The following C20orf203 variants were observed in gnomAD, a reference collection of about 807,000 sequenced individuals.
C20orf203 encodes uncharacterized protein C20orf203.
In C20orf203, 16 loss-of-function variants were observed where a neutral mutation model predicts 15.9. That is an observed-to-expected ratio of 1.01 (90% CI 0.68 to 1.53). The LOEUF (loss-of-function observed/expected upper bound fraction) is 1.53, where lower values mean the gene tolerates loss of function less well. Ranked by LOEUF, C20orf203 falls within the 40% of genes most tolerant of loss-of-function variation. C20orf203 has a pLI of 0.00. For synonymous variants in C20orf203, 98 were observed against 97.2 expected, an observed-to-expected ratio of 1.01 and a Z score of -0.05; for missense variants, 263 against 247.5, an observed-to-expected ratio of 1.06 and a Z score of -0.42.
At chr20:32,654,422 T>C (rs555547350) in intron 1 of C20orf203, among the ~76,000 whole-genome samples, 27 of 152,346 alleles carry the variant, frequency 1.8e-4, no homozygotes, top group South Asian at 6.2e-4. Context: ...ACTCCCCAAA[T>C]TGATCTTCAG....
chr20:32,650,441 C>T lies in C20orf203; in HGVS notation c.576G>A (p.Leu192=), dbSNP rs1276500803. ...QQFLSNSSRS[L]FN ...GGCGCCCTGGGCTCGGCTAATTAAA[C>T]AGCGACCGTGATGAATTGGAGAGAA... The change falls in exon 4 of 6, where the codon CTG becomes CTA. Residue 192 remains leucine, a synonymous_variant. Transcript: ENST00000608990. The T allele has an allele frequency of 6.5e-7, 1 of 1,549,556 alleles. No homozygotes were observed.
intron 1 of C20orf203, chr20:32,657,917 G>T (rs11700367): frequency 6.6e-6 from 1 of 150,744 alleles, no homozygotes; most frequent in African/African-American, 2.4e-5. Context: ...CTGAGATTGC[G>T]CCACTGCACT....
At chr20:32,645,608 A>G (rs1982403159) in intron 4 of C20orf203, among the ~76,000 whole-genome samples, 1 of 152,214 alleles carries the variant, frequency 6.6e-6, no homozygotes. Flanking sequence ...AGAAGCAGAC[A>G]TTGGAGAGGA....
rs557474702 is a variant in C20orf203, at chr20:32,655,705, A to C, written c.-263-3724T>G. On this transcript the variant is annotated intron_variant, in intron 1 of 5. Transcript: ENST00000608990. ...CTACTCAGAAGGCTGAGGCAGGAGA[A>C]TCACTTGAACCCAGGAGGTGGAGGT... 2.4e-4 allele frequency among the ~76,000 whole-genome samples: 36 copies of C among 152,230 alleles called. 1 individual carries two copies. Among genetic ancestry groups the C allele is most frequent in the Admixed American group, 3.9e-4 (6 of 15,284 alleles).
rs918577861 is a variant in C20orf203, at chr20:32,650,288, G to C, written c.*144C>G. The C allele has an allele frequency of 6.3e-6, 4 of 639,764 alleles. No homozygotes were observed. Among genetic ancestry groups the C allele is most frequent in the Non-Finnish European group, 5.5e-6 (2 of 364,080 alleles). 39.6% of individuals were successfully genotyped at this position (639,764 alleles called of 1,614,324 possible). On this transcript the variant is annotated 3_prime_UTR_variant, in exon 4 of 6. Transcript: ENST00000608990. ...GCGCCGGTGCCCAGAATCTCCTTGA[G>C]GTTTCAGCTGGGCGTGCCGGGCCCA...
chr20:32,641,547 G>A (rs1048163934), intron 4 of C20orf203, among the ~76,000 whole-genome samples: 1 of 152,122 alleles, frequency 6.6e-6, no homozygotes, highest in East Asian at 1.9e-4. Flanking sequence ...GTGCCAGACT[G>A]TTTTCCAAAA....
At chr20:32,643,624 ACCACACACAC>A (rs1382592581) in intron 4 of C20orf203, among the ~76,000 whole-genome samples, 1 of 109,786 alleles carries the variant, frequency 9.1e-6, no homozygotes, top group African/African-American at 4.0e-5. Context: ...GCTTCCTGGA[ACCACACACAC>A]ACACACACAC....
intron 5 of C20orf203, among the ~76,000 whole-genome samples, chr20:32,637,900 G>A (rs1241364798): frequency 6.6e-6 from 1 of 151,800 alleles, no homozygotes; most frequent in East Asian, 1.9e-4. Flanking sequence ...GTGTGTGCAT[G>A]TGCCTGTGTG....
intron 4 of C20orf203, among the ~76,000 whole-genome samples, chr20:32,643,644 C>CACACAT (rs1982345575): frequency 3.5e-5 from 3 of 84,872 alleles, no homozygotes; most frequent in Admixed American, 3.2e-4. Flanking sequence ...CACACACACA[C>CACACAT]ACACACACAC....
In C20orf203 at chr20:32,673,616, G is replaced by A. The variant is rs113851844; in HGVS notation, c.-264+16C>T. 1.9e-4 allele frequency: 29 copies of A among 152,638 alleles called. No individual in the cohort carries two copies. The highest frequency in any genetic ancestry group is 3.4e-3 in the Middle Eastern group (1 of 294). 9.5% of individuals were successfully genotyped at this position (152,638 alleles called of 1,614,324 possible). A position where few individuals can be genotyped will look rare whatever the true frequency, so the allele number is the denominator to read the frequency against. On this transcript the variant is annotated intron_variant, in intron 1 of 5. Transcript: ENST00000608990. ...CACCCCACACTTTCAGCACAGACAG[G>A]CTGCATTCCACCCACCTGCAGGCTC...
intron 1 of C20orf203, among the ~76,000 whole-genome samples, chr20:32,666,581 G>A (rs2088476079): frequency 6.6e-6 from 1 of 150,558 alleles, no homozygotes; most frequent in African/African-American, 2.4e-5. Flanking sequence ...GGCTAACATA[G>A]TGAAATCCCA....
chr20:32,650,244 C>T lies in C20orf203; in HGVS notation c.*188G>A. 1.7e-6 allele frequency: 1 copy of T among 594,850 alleles called. No individual in the cohort carries two copies. Among genetic ancestry groups the T allele is most frequent in the Non-Finnish European group, 3.0e-6 (1 of 334,652 alleles). The allele number at this position is 594,850 out of a possible 1,614,324, so 36.8% of individuals were successfully genotyped here. A position where few individuals can be genotyped will look rare whatever the true frequency, so the allele number is the denominator to read the frequency against. ...CAGCCTCGGTCCCTAATCATGTTTG[C>T]TGAATGCCTTGAATACAAGCGCCGG... On this transcript the variant is annotated 3_prime_UTR_variant, in exon 4 of 6. Transcript: ENST00000608990.
In C20orf203 at chr20:32,650,431, G is replaced by A. The variant is rs1600932460; in HGVS notation, c.*1C>T. The A allele has an allele frequency of 6.5e-7, 1 of 1,547,814 alleles. No homozygotes were observed. Among genetic ancestry groups the A allele is most frequent in the Non-Finnish European group, 8.7e-7 (1 of 1,145,082 alleles). ...TGGGGGTGGGGGCGCCCTGGGCTCG[G>A]CTAATTAAACAGCGACCGTGATGAA... On this transcript the variant is annotated 3_prime_UTR_variant, in exon 4 of 6. Transcript: ENST00000608990.
At chr20:32,643,862 A>G (rs547100490) in intron 4 of C20orf203, among the ~76,000 whole-genome samples, 1 of 152,328 alleles carries the variant, frequency 6.6e-6, no homozygotes, top group East Asian at 1.9e-4. Context: ...AAGATTTGCT[A>G]AAAATCATCA....
intron 5 of C20orf203, among the ~76,000 whole-genome samples, chr20:32,637,976 G>A (rs547557231): frequency 3.3e-5 from 5 of 149,540 alleles, no homozygotes; most frequent in East Asian, 3.9e-4. Context: ...GTGTCTGTGC[G>A]TGTGTGTGCA....
In C20orf203 at chr20:32,653,437, C is replaced by A. The variant is rs1407599420; in HGVS notation, c.-263-1456G>T. ...GTCGCTGAGTATCTGTGTGACATAGCATGCAGCACTTCCCTCCCAGGCTTG... is the reference window on the plus strand; with the variant it reads ...GTCGCTGAGTATCTGTGTGACATAGAATGCAGCACTTCCCTCCCAGGCTTG... On this transcript the variant is annotated intron_variant, in intron 1 of 5. Coordinates refer to ENST00000608990, the MANE Select transcript of C20orf203 (RefSeq NM_182584.4). Among the ~76,000 whole-genome samples, 3 of 152,176 alleles carry A rather than the reference C, an allele frequency of 2.0e-5. No homozygotes were observed. The East Asian group carries it at 5.8e-4, about 29-fold the overall frequency.
chr20:32,640,947 G>A (rs965349499), intron 4 of C20orf203, among the ~76,000 whole-genome samples: 4 of 152,210 alleles, frequency 2.6e-5, no homozygotes, highest in Admixed American at 1.3e-4. Context: ...AGCTTCATCC[G>A]TATTGTAGCA....
rs928847324 is a variant in C20orf203 at position 32,649,652 on chromosome 20, C to T, written c.*780G>A. The T allele has an allele frequency of 6.6e-6, 1 of 152,408 alleles. No homozygotes were observed. The highest frequency in any genetic ancestry group is 1.5e-5 in the Non-Finnish European group (1 of 68,152). The allele number at this position is 152,408 out of a possible 1,614,324, so 9.4% of individuals were successfully genotyped here. A position where few individuals can be genotyped will look rare whatever the true frequency, so the allele number is the denominator to read the frequency against. On this transcript the variant is annotated 3_prime_UTR_variant, in exon 4 of 6. Coordinates refer to ENST00000608990, the MANE Select transcript of C20orf203 (RefSeq NM_182584.4). Reference sequence around the variant, plus strand: ...TGGAAGGGTCACACCTCCCACAGCCCAGCAGGAGCACAGGCTTGGGATGGA... The same window carrying T: ...TGGAAGGGTCACACCTCCCACAGCCTAGCAGGAGCACAGGCTTGGGATGGA...
At chr20:32,667,284 C>T (rs535689071) in intron 1 of C20orf203, among the ~76,000 whole-genome samples, 1 of 152,222 alleles carries the variant, frequency 6.6e-6, no homozygotes, top group African/African-American at 2.4e-5. Context: ...TGACTACTTA[C>T]TGTCTTTGAA....
Sources: allele counts gnomAD v4.1 joint callset (sites outside exome capture counted in the v4.1 genomes callset), GRCh38; gene constraint gnomAD v4.1.1; transcripts MANE v1.5; gene names NCBI Gene and HGNC (gene_info 2026-07-23, HGNC 2026-07-21).